The following AGFG2 variants were observed in gnomAD, a reference collection of about 807,000 sequenced individuals.
AGFG2 encodes ArfGAP with FG repeats 2.
A neutral mutation model predicts 48.0 loss-of-function variants in AGFG2; 31 were observed. That is an observed-to-expected ratio of 0.65 (90% CI 0.49 to 0.87). AGFG2 has a LOEUF of 0.87. AGFG2 is among the 40% of genes least tolerant of loss of function. AGFG2 has a pLI of 0.00. For missense variants in AGFG2, 599 were observed against 632.6 expected (o/e 0.95, Z 0.57); for synonymous variants, 229 against 260.8 (o/e 0.88, Z 1.18).
At chr7:100,551,422 C>T (rs1234030784) in intron 3 of AGFG2, among the ~76,000 whole-genome samples, 8 of 150,770 alleles carry the variant, frequency 5.3e-5, no homozygotes, top group Admixed American at 5.3e-4. Context: ...CCAGGCTGGT[C>T]TGAAACTCCT....
chr7:100,556,220 T>G, intron 6 of AGFG2: 1 of 194,040 alleles, frequency 5.2e-6, no homozygotes, highest in Non-Finnish European at 1.1e-5. Flanking sequence ...GAGGCCGAGG[T>G]GGGAGGATCG....
chr7:100,558,384 T>G (rs1800798393), intron 6 of AGFG2, among the ~76,000 whole-genome samples: 1 of 152,096 alleles, frequency 6.6e-6, no homozygotes, highest in South Asian at 2.1e-4. Context: ...AATTGTACAT[T>G]GGTGCAGGAA....
At chr7:100,558,545 G>GTTT (rs36124305) in intron 6 of AGFG2, among the ~76,000 whole-genome samples, 1 of 135,472 alleles carries the variant, frequency 7.4e-6, no homozygotes, top group Non-Finnish European at 1.6e-5. Flanking sequence ...TTTTGTTTTT[G>GTTT]TTTTTTTTTT....
rs911581814 is a variant in AGFG2 at position 100,566,477 on chromosome 7, G to A, written c.*1486G>A. On this transcript the variant is annotated 3_prime_UTR_variant, in exon 12 of 12. Coordinates refer to ENST00000300176, the MANE Select transcript of AGFG2 (RefSeq NM_006076.5). Reference sequence around the variant, plus strand: ...CACCTTGCTGTTTGGCCCAAGGCCAGGTGAGGCCCCTCCCTTTCCACCATT... The same window carrying A: ...CACCTTGCTGTTTGGCCCAAGGCCAAGTGAGGCCCCTCCCTTTCCACCATT... 1 of 152,310 alleles carries A rather than the reference G, an allele frequency of 6.6e-6. No homozygotes were observed. Among genetic ancestry groups the A allele is most frequent in the African/African-American group, 2.4e-5 (1 of 41,468 alleles). The allele number at this position is 152,310 out of a possible 1,614,324, so 9.4% of individuals were successfully genotyped here.
At chr7:100,563,774 AAC>A in intron 9 of AGFG2, 58 bp from the exon 10 acceptor site, 1 of 1,599,578 alleles carries the variant, frequency 6.3e-7, no homozygotes. Flanking sequence ...ACTTAGGAAA[AAC>A]AGTTCTCCAG....
At chr7:100,564,401 C>T in intron 11 of AGFG2, 98 bp downstream of exon 11, 1 of 1,303,114 alleles carries the variant, frequency 7.7e-7, no homozygotes, top group South Asian at 1.3e-5. Context: ...CCCTGTGCCC[C>T]TTCCTCGTGA....
chr7:100,542,163 G>A (rs573647336), intron 1 of AGFG2, among the ~76,000 whole-genome samples: 12 of 152,040 alleles, frequency 7.9e-5, no homozygotes, highest in Non-Finnish European at 1.8e-4. Context: ...CTACAGGCAC[G>A]CGCTACCACA....
intron 3 of AGFG2, among the ~76,000 whole-genome samples, chr7:100,552,975 C>G (rs368146543): frequency 5.2e-4 from 79 of 152,102 alleles, no homozygotes; most frequent in African/African-American, 1.8e-3. Context: ...ATAGTGAGAC[C>G]TCTTCTCTAC....
At position 100,551,030 on chromosome 7, in the gene AGFG2, TTATATATATATATATA is replaced by T. The variant is rs373297543; in HGVS notation, c.431+541_431+556del. Reference sequence around the variant, plus strand: ...GTGTGTGCCACCATGCCTGGCTAATTTATATATATATATATATATATATATATATATATATATTTCT... The same window carrying T: ...GTGTGTGCCACCATGCCTGGCTAATTTATATATATATATATATATATTTCT... On this transcript the variant is annotated intron_variant, in intron 3 of 11. Transcript: ENST00000300176. Among the ~76,000 whole-genome samples, 451 of 56,032 alleles carry T rather than the reference TTATATATATATATATA, an allele frequency of 8.0e-3. 19 individuals carry two copies. Among genetic ancestry groups the T allele is most frequent in the African/African-American group, 0.036 (393 of 10,826 alleles). 36.8% of individuals were successfully genotyped at this position (56,032 alleles called of 152,430 possible).
intron 1 of AGFG2, among the ~76,000 whole-genome samples, chr7:100,541,722 C>A (rs1800424576): frequency 6.7e-6 from 1 of 149,282 alleles, no homozygotes; most frequent in South Asian, 2.1e-4. Flanking sequence ...GAGATCGCAC[C>A]ACTGCACTCT....
chr7:100,552,170 G>A (rs1423382528), intron 3 of AGFG2, among the ~76,000 whole-genome samples: 3 of 151,614 alleles, frequency 2.0e-5, no homozygotes, highest in African/African-American at 7.3e-5. Context: ...GCTTGAACCC[G>A]GGAGGCAGTG....
chr7:100,553,435 C>G lies in AGFG2; in HGVS notation c.520C>G (p.Pro174Ala). ...GCAGGGCTCCATCCCAGAAGGGAAG[C>G]CCCTTCGGACACTTCTGGGTGATCC... is the stretch of plus-strand genomic sequence containing the variant. ...PVQGSIPEGK[P>A]LRTLLGDPAP... is the part of the protein sequence containing the mutation. The change falls in exon 4 of 12, where the codon CCC (proline) becomes GCC (alanine). Residue 174 changes from proline to alanine, a missense_variant. By Grantham distance (27) the Pro-to-Ala change is conservative. Transcript: ENST00000300176. The G allele has an allele frequency of 4.3e-6, 7 of 1,614,168 alleles. No homozygotes were observed. Among genetic ancestry groups the G allele is most frequent in the Middle Eastern group, 3.3e-4 (2 of 6,058 alleles).
intron 1 of AGFG2, 63 bp from the exon 2 acceptor site, chr7:100,548,759 C>G: frequency 7.7e-7 from 1 of 1,300,210 alleles, no homozygotes. Context: ...CCTCCTCCTC[C>G]CATGAACAGC....
Position 100,553,352 on chromosome 7 carries a change from T to TC in AGFG2, c.443dup (p.Asp149ArgfsTer33), listed in dbSNP as rs776472051. 3.1e-6 allele frequency: 5 copies of TC among 1,614,014 alleles called. No homozygotes were observed. The highest frequency in any genetic ancestry group is 4.2e-6 in the Non-Finnish European group (5 of 1,179,974). Reference sequence around the variant, plus strand: ...CTAACTATTCTTTCTCAAAGGTATGTCCCCCCAGACCAAGTCAAGGGGCCC... The same window carrying TC: ...CTAACTATTCTTTCTCAAAGGTATGTCCCCCCCAGACCAAGTCAAGGGGCCC... On this transcript the variant is annotated frameshift_variant, in exon 4 of 12. Coordinates refer to ENST00000300176, the MANE Select transcript of AGFG2 (RefSeq NM_006076.5). LOFTEE classifies it high-confidence loss of function.
chr7:100,561,134 T>TA (rs926319765), intron 6 of AGFG2, among the ~76,000 whole-genome samples: 4 of 150,010 alleles, frequency 2.7e-5, no homozygotes, highest in Non-Finnish European at 5.9e-5. Context: ...TCCCTTTTTT[T>TA]TTTTTTTTTG....
intron 5 of AGFG2, 86 bp from the exon 6 acceptor site, chr7:100,555,524 C>T (rs1800741071): frequency 7.5e-6 from 11 of 1,468,520 alleles, no homozygotes; most frequent in Admixed American, 3.6e-5. Flanking sequence ...CTGCCCACCT[C>T]GGCCTCCCAA....
At chr7:100,555,763 C>T (rs750282208) in intron 6 of AGFG2, 28 bp downstream of exon 6, 5 of 1,612,276 alleles carry the variant, frequency 3.1e-6, no homozygotes, top group South Asian at 2.2e-5. Flanking sequence ...GGCTTCCTTT[C>T]TCTTCCAACC....
At chr7:100,545,120 T>C (rs1800489231) in intron 1 of AGFG2, among the ~76,000 whole-genome samples, 1 of 152,110 alleles carries the variant, frequency 6.6e-6, no homozygotes, top group Admixed American at 6.6e-5. Flanking sequence ...AAACACGATC[T>C]GGGGTGTATG....
rs769737737 is a variant in AGFG2 at position 100,555,703 on chromosome 7, A to T, written c.845A>T (p.Gln282Leu). 6.2e-7 allele frequency: 1 copy of T among 1,614,126 alleles called. No homozygotes were observed. Among genetic ancestry groups the T allele is most frequent in the Non-Finnish European group, 8.5e-7 (1 of 1,179,962 alleles). The stretch of plus-strand genomic sequence containing the variant: ...TTTGGAAGCCTCCCTCCAGCTGGTC[A>T]AGCCTCGTTCCAGGCCCAGCCAACT... ...SVFGSLPPAG[Q>L]ASFQAQPTPA... The change falls in exon 6 of 12, where the codon CAA becomes CTA. Residue 282 changes from glutamine (Q) to leucine (L), a missense_variant. Gln to Leu is a moderately radical substitution (Grantham distance 113). Coordinates refer to ENST00000300176, the MANE Select transcript of AGFG2 (RefSeq NM_006076.5).
Sources: allele counts gnomAD v4.1 joint callset (sites outside exome capture counted in the v4.1 genomes callset), GRCh38; gene constraint gnomAD v4.1.1; transcripts MANE v1.5; gene names NCBI Gene and HGNC (gene_info 2026-07-23, HGNC 2026-07-21).